PTPRQ: variants seen among roughly 807,000 people sequenced by gnomAD.
The protein encoded by PTPRQ is protein tyrosine phosphatase receptor type Q.
A neutral mutation model predicts 246.0 loss-of-function variants in PTPRQ; 199 were observed. The observed-to-expected ratio is 0.81, with a 90% confidence interval of 0.72 to 0.91. The LOEUF is 0.91. Among genes scored for constraint, PTPRQ ranks in the 40% least tolerant of loss-of-function variants. The pLI is 0.00. For missense variants in PTPRQ, 2,624 were observed against 2,528.4 expected, an observed-to-expected ratio of 1.04 and a Z score of -0.81; for synonymous variants, 869 against 853.2, an observed-to-expected ratio of 1.02 and a Z score of -0.32.
intron 25 of PTPRQ, among the ~76,000 whole-genome samples, chr12:80,577,952 C>A (rs968007402): frequency 1.3e-5 from 2 of 152,004 alleles, no homozygotes; most frequent in African/African-American, 4.8e-5. Context: ...TGCACATGAA[C>A]GGTATACTTA....
intron 25 of PTPRQ, among the ~76,000 whole-genome samples, chr12:80,557,715 C>T (rs969468458): frequency 6.6e-6 from 1 of 152,086 alleles, no homozygotes; most frequent in African/African-American, 2.4e-5. Flanking sequence ...TCCTTCATAT[C>T]CTTTATCCAT....
At chr12:80,484,909 A>G (rs1472871734) in intron 9 of PTPRQ, among the ~76,000 whole-genome samples, 1 of 152,178 alleles carries the variant, frequency 6.6e-6, no homozygotes, top group Non-Finnish European at 1.5e-5. Context: ...ATTGTTCGGA[A>G]ACTCTTGTTA....
At chr12:80,516,803 T>C (rs563893731) in intron 17 of PTPRQ, among the ~76,000 whole-genome samples, 3 of 152,282 alleles carry the variant, frequency 2.0e-5, no homozygotes, top group Admixed American at 6.5e-5. Context: ...TGAAGTTATA[T>C]CCATTTTGGA....
chr12:80,497,829 C>T (rs1439309279), intron 14 of PTPRQ, among the ~76,000 whole-genome samples: 1 of 152,004 alleles, frequency 6.6e-6, no homozygotes, highest in Non-Finnish European at 1.5e-5. Flanking sequence ...GGTGGAACCA[C>T]ATGAAATAAT....
intron 42 of PTPRQ, 112 bp from the exon 43 acceptor site, chr12:80,673,057 A>G: frequency 7.1e-7 from 1 of 1,409,154 alleles, no homozygotes; most frequent in Non-Finnish European, 9.3e-7. Flanking sequence ...CTGCCTCCAA[A>G]TAAGAGAAGA....
chr12:80,658,061 T>C lies in PTPRQ; in HGVS notation c.6192T>C (p.Ser2064=). The change falls in exon 39 of 45, where the codon TCT becomes TCC. Residue 2064 remains serine, a splice_region_variant and synonymous_variant. Coordinates refer to ENST00000644991, the MANE Select transcript of PTPRQ (RefSeq NM_001145026.2). The stretch of plus-strand genomic sequence containing the variant: ...ATTATATTAATGCCAGCTATATTTC[T>C]GTAAGTTACTATTTTATATATTTTA... ...GSDYINASYI[S]GYLCPNEFIA... is the part of the protein sequence containing the mutation. 1 of 1,362,082 alleles carries C rather than the reference T, an allele frequency of 7.3e-7. No individual in the cohort carries two copies. The highest frequency in any genetic ancestry group is 9.6e-7 in the Non-Finnish European group (1 of 1,036,692). The allele number at this position is 1,362,082 out of a possible 1,614,324, so 84.4% of individuals were successfully genotyped here.
In PTPRQ at chr12:80,603,776, G is replaced by A. The variant is rs150418984; in HGVS notation, c.4610-1283G>A. 3.5e-3 allele frequency among the ~76,000 whole-genome samples: 524 copies of A among 151,538 alleles called. 6 individuals carry two copies. The highest frequency in any genetic ancestry group is 0.012 in the African/African-American group (509 of 41,424). ...TCCTTCTCATCTATCAAAGACTAGT[G>A]CAATTCCCACCTTCACTGTGCATCT... is the stretch of plus-strand genomic sequence containing the variant. On this transcript the variant is annotated intron_variant, in intron 26 of 44. Transcript: ENST00000644991.
At chr12:80,572,245 T>G (rs899138858) in intron 25 of PTPRQ, among the ~76,000 whole-genome samples, 7 of 152,118 alleles carry the variant, frequency 4.6e-5, no homozygotes, top group African/African-American at 1.7e-4. Flanking sequence ...GCATATCTTT[T>G]GTTAAAATTA....
At chr12:80,585,311 A>G (rs528382168) in intron 25 of PTPRQ, among the ~76,000 whole-genome samples, 7 of 152,226 alleles carry the variant, frequency 4.6e-5, no homozygotes, top group African/African-American at 1.2e-4. Context: ...TATTTCACAT[A>G]CCACACATCA....
intron 8 of PTPRQ, among the ~76,000 whole-genome samples, chr12:80,477,868 C>G (rs913053955): frequency 6.6e-6 from 1 of 152,204 alleles, no homozygotes; most frequent in African/African-American, 2.4e-5. Flanking sequence ...ACACCTGGCT[C>G]GGAGGGTCCT....
intron 25 of PTPRQ, among the ~76,000 whole-genome samples, chr12:80,571,596 C>T (rs1414549330): frequency 6.6e-6 from 1 of 151,954 alleles, no homozygotes; most frequent in Non-Finnish European, 1.5e-5. Flanking sequence ...ATTTTGTGTC[C>T]TAATTAAATA....
intron 19 of PTPRQ, among the ~76,000 whole-genome samples, chr12:80,537,840 T>C (rs545523883): frequency 9.8e-5 from 15 of 152,332 alleles, no homozygotes; most frequent in Admixed American, 9.8e-4. Flanking sequence ...CCGGGTGTGG[T>C]GGCTCACGCC....
At chr12:80,589,990 C>T (rs1897739698) in intron 26 of PTPRQ, among the ~76,000 whole-genome samples, 1 of 152,154 alleles carries the variant, frequency 6.6e-6, no homozygotes, top group Non-Finnish European at 1.5e-5. Context: ...TTGAAGTCTG[C>T]TTACATCTTG....
At chr12:80,651,088 A>G (rs1261483775) in intron 37 of PTPRQ, among the ~76,000 whole-genome samples, 1 of 152,122 alleles carries the variant, frequency 6.6e-6, no homozygotes, top group African/African-American at 2.4e-5. Flanking sequence ...AGCACTTACC[A>G]GCTAAGTGAC....
intron 8 of PTPRQ, among the ~76,000 whole-genome samples, chr12:80,483,350 G>T (rs555944520): frequency 7.4e-6 from 1 of 134,630 alleles, no homozygotes; most frequent in Non-Finnish European, 1.6e-5. Context: ...CACAGGAAGG[G>T]GAACATCACA....
intron 23 of PTPRQ, among the ~76,000 whole-genome samples, chr12:80,543,434 A>T (rs1896213996): frequency 6.6e-6 from 1 of 152,018 alleles, no homozygotes; most frequent in Non-Finnish European, 1.5e-5. Context: ...ATATCCACAG[A>T]ACTGATGCAA....
chr12:80,454,986 A>G (rs1161064641), intron 3 of PTPRQ, among the ~76,000 whole-genome samples: 1 of 152,198 alleles, frequency 6.6e-6, no homozygotes, highest in African/African-American at 2.4e-5. Flanking sequence ...AGCCTGGCCA[A>G]TATGGCGAAA....
chr12:80,499,558 T>G (rs1894733501), intron 14 of PTPRQ, among the ~76,000 whole-genome samples: 1 of 151,944 alleles, frequency 6.6e-6, no homozygotes, highest in Non-Finnish European at 1.5e-5. Flanking sequence ...CTTCTATTCA[T>G]GTAAAAAAAT....
chr12:80,588,424 CTG>C lies in PTPRQ; in HGVS notation c.4582_4583del (p.Trp1528AspfsTer15), dbSNP rs1565804079. ...TNAGYGNASN[W>X]ISTKTLPGPP... ...ATGCTGGCTATGGCAATGCTTCAAACTGGATTTCTACAAAAACTCTGCCTGGC... is the reference window on the plus strand; with the variant it reads ...ATGCTGGCTATGGCAATGCTTCAAACGATTTCTACAAAAACTCTGCCTGGC... On this transcript the variant is annotated frameshift_variant, in exon 26 of 45. Transcript: ENST00000644991. LOFTEE classifies it high-confidence loss of function. The C allele has an allele frequency of 2.0e-6, 3 of 1,493,230 alleles. No homozygotes were observed. The highest frequency in any genetic ancestry group is 2.7e-6 in the Non-Finnish European group (3 of 1,120,340). The allele number at this position is 1,493,230 out of a possible 1,614,324, so 92.5% of individuals were successfully genotyped here.
Sources: gnomAD v4.1 joint callset for allele counts (sites outside exome capture counted in the v4.1 genomes callset) on GRCh38, gnomAD v4.1.1 for gene constraint, MANE v1.5 for transcripts, NCBI Gene and HGNC (gene_info 2026-07-23, HGNC 2026-07-21) for gene names.